The following ASTN2 variants were observed in gnomAD, a reference collection of about 807,000 sequenced individuals.
The protein encoded by ASTN2 is astrotactin-2.
A neutral mutation model predicts 139.8 loss-of-function variants in ASTN2; 54 were observed. The observed-to-expected ratio is 0.39, with a 90% confidence interval of 0.31 to 0.48. ASTN2 has a LOEUF of 0.48. Ranked by LOEUF, ASTN2 falls within the 20% of genes least tolerant of loss-of-function variation. The pLI, the probability that ASTN2 is intolerant of heterozygous loss-of-function variation, is 0.95. For missense variants in ASTN2, 1,565 were observed against 1,725.1 expected, an observed-to-expected ratio of 0.91 and a Z score of 1.64; for synonymous variants, 756 against 719.5, an observed-to-expected ratio of 1.05 and a Z score of -0.81.
intron 10 of ASTN2, among the ~76,000 whole-genome samples, chr9:116,946,875 T>G (rs1322009184): frequency 7.2e-6 from 1 of 138,654 alleles, no homozygotes; most frequent in Non-Finnish European, 1.5e-5. Context: ...CCAACCTCCA[T>G]AATGGGAATT....
chr9:117,101,611 T>G (rs1449371837), intron 4 of ASTN2, among the ~76,000 whole-genome samples: 1 of 152,126 alleles, frequency 6.6e-6, no homozygotes, highest in Non-Finnish European at 1.5e-5. Flanking sequence ...ACATGCAATA[T>G]CCCTCCTACA....
chr9:116,818,456 G>A (rs4836864), intron 12 of ASTN2, among the ~76,000 whole-genome samples: 116,078 of 152,130 alleles, frequency 0.76, 44,448 homozygotes, highest in Admixed American at 0.81. Context: ...TCCAAATCCT[G>A]TTGAAACTGC....
chr9:117,114,754 G>T (rs1829335963), intron 4 of ASTN2, among the ~76,000 whole-genome samples: 1 of 152,154 alleles, frequency 6.6e-6, no homozygotes, highest in Admixed American at 6.5e-5. Context: ...TATGTATCTT[G>T]CATGGCCAGG....
intron 19 of ASTN2, among the ~76,000 whole-genome samples, chr9:116,539,808 C>G (rs1387753117): frequency 6.6e-6 from 1 of 152,140 alleles, no homozygotes; most frequent in East Asian, 1.9e-4. Flanking sequence ...CTGGAATTTT[C>G]TATTTAATAT....
chr9:117,344,901 A>C (rs1376106500), intron 1 of ASTN2, among the ~76,000 whole-genome samples: 2 of 152,092 alleles, frequency 1.3e-5, no homozygotes, highest in African/African-American at 4.8e-5. Context: ...ATCCAAACAT[A>C]AATTAGTTTT....
intron 13 of ASTN2, among the ~76,000 whole-genome samples, chr9:116,775,775 A>AAGG (rs1554744840): frequency 8.7e-6 from 1 of 115,184 alleles, no homozygotes; most frequent in East Asian, 3.0e-4. Context: ...GGAAAGGGGG[A>AAGG]AGGAGGGAAG....
chr9:116,682,942 G>A (rs915036001), intron 16 of ASTN2, among the ~76,000 whole-genome samples: 2 of 151,378 alleles, frequency 1.3e-5, no homozygotes, highest in Non-Finnish European at 2.9e-5. Context: ...CGAGTTAATG[G>A]GTGCAGCACA....
intron 13 of ASTN2, among the ~76,000 whole-genome samples, chr9:116,753,330 T>C (rs1462636689): frequency 6.6e-6 from 1 of 152,152 alleles, no homozygotes; most frequent in Non-Finnish European, 1.5e-5. Flanking sequence ...AAAAGATCAG[T>C]GGTTGCCAGG....
At chr9:117,039,791 TG>T in intron 6 of ASTN2, 27 bp downstream of exon 6, 1 of 1,607,226 alleles carries the variant, frequency 6.2e-7, no homozygotes, top group East Asian at 2.2e-5. Context: ...TGAGTGGGTG[TG>T]GAGCATCTGC....
rs1243834990 is a variant in ASTN2 at position 117,402,227 on chromosome 9, T to G, written c.442+12270A>C. ...GATTACAGGCACCTGCCACCACACC[T>G]GGATAATTTTTGTGTTTTTAGTAGA... On this transcript the variant is annotated intron_variant, in intron 1 of 22. Coordinates refer to ENST00000313400, the MANE Select transcript of ASTN2 (RefSeq NM_001365068.1). 2.0e-5 allele frequency among the ~76,000 whole-genome samples: 3 copies of G among 151,988 alleles called. No individual in the cohort carries two copies. In the East Asian group the frequency reaches 5.8e-4, roughly 29 times the overall value.
intron 1 of ASTN2, among the ~76,000 whole-genome samples, chr9:117,363,055 C>A (rs1234050163): frequency 6.6e-6 from 1 of 152,104 alleles, no homozygotes; most frequent in African/African-American, 2.4e-5. Context: ...GACCAAAATA[C>A]CCCTGATGCC....
chr9:117,216,574 A>C (rs1832326502), intron 2 of ASTN2, among the ~76,000 whole-genome samples: 5 of 152,178 alleles, frequency 3.3e-5, no homozygotes, highest in Admixed American at 2.6e-4. Context: ...TATATGTGTA[A>C]ATGCATGTGT....
intron 4 of ASTN2, among the ~76,000 whole-genome samples, chr9:117,106,298 C>T (rs1260946453): frequency 1.3e-5 from 2 of 152,060 alleles, no homozygotes; most frequent in African/African-American, 4.8e-5. Flanking sequence ...GCAATCTCGG[C>T]TCACTGCAAC....
At chr9:116,980,419 C>T (rs2132533826) in intron 7 of ASTN2, among the ~76,000 whole-genome samples, 1 of 152,092 alleles carries the variant, frequency 6.6e-6, no homozygotes, top group Admixed American at 6.5e-5. Context: ...TGTTTCCTTC[C>T]CTTTAATTCC....
intron 19 of ASTN2, among the ~76,000 whole-genome samples, chr9:116,509,411 A>T (rs926524818): frequency 4.6e-5 from 7 of 152,120 alleles, no homozygotes; most frequent in African/African-American, 1.4e-4. Context: ...TCTATCATTG[A>T]TGGACATTTG....
In ASTN2 at chr9:117,025,798, C is replaced by CTTT. The variant is rs111710831; in HGVS notation, c.1423+14018_1423+14020dup. ...TGGTTTTTCTTTTTTCTTTTCTTTT[C>CTTT]TTTTTTTTTTTTTGACAGAGTCTCG... On this transcript the variant is annotated intron_variant, in intron 6 of 22. Transcript: ENST00000313400. 2.9e-4 allele frequency among the ~76,000 whole-genome samples: 42 copies of CTTT among 144,500 alleles called. No homozygotes were observed. The South Asian group carries it at 7.0e-3, about 24-fold the overall frequency. The allele number at this position is 144,500 out of a possible 152,430, so 94.8% of individuals were successfully genotyped here.
At chr9:116,822,670 G>A (rs148210102) in intron 11 of ASTN2, among the ~76,000 whole-genome samples, 2,260 of 152,202 alleles carry the variant, frequency 0.015, 85 homozygotes, top group Admixed American at 0.086. Flanking sequence ...TTTTTTAAAC[G>A]TGTTCACTAA....
intron 22 of ASTN2, among the ~76,000 whole-genome samples, chr9:116,432,463 G>C (rs1458553244): frequency 6.6e-6 from 1 of 152,162 alleles, no homozygotes; most frequent in East Asian, 1.9e-4. Flanking sequence ...ACTATGGACA[G>C]TTTACATAAC....
chr9:117,198,956 T>C (rs1831606435), intron 3 of ASTN2, among the ~76,000 whole-genome samples: 1 of 152,224 alleles, frequency 6.6e-6, no homozygotes, highest in African/African-American at 2.4e-5. Flanking sequence ...TCTGTTCATA[T>C]CCTTTGCCCA....
Sources: gnomAD v4.1 joint callset for allele counts (sites outside exome capture counted in the v4.1 genomes callset) on GRCh38, gnomAD v4.1.1 for gene constraint, MANE v1.5 for transcripts, NCBI Gene and HGNC (gene_info 2026-07-23, HGNC 2026-07-21) for gene names.